The following PRKN variants were observed in gnomAD, a reference collection of about 807,000 sequenced individuals.
The protein encoded by PRKN is E3 ubiquitin-protein ligase parkin.
Under a neutral mutation model 59.5 loss-of-function variants are expected in PRKN, and 56 were observed. That is an observed-to-expected ratio of 0.94 (90% CI 0.76 to 1.18). The LOEUF (loss-of-function observed/expected upper bound fraction) is 1.18. Among genes scored for constraint, PRKN ranks in the 50% most tolerant of loss-of-function variants. The probability of loss-of-function intolerance (pLI) is 0.00; values close to 1 mark genes in which losing one functional copy is unlikely to be tolerated. For synonymous variants in PRKN, 250 were observed against 222.1 expected, an observed-to-expected ratio of 1.13 and a Z score of -1.12; for missense variants, 657 against 596.4, an observed-to-expected ratio of 1.10 and a Z score of -1.06.
chr6:161,491,692 G>A (rs534990760), intron 9 of PRKN, among the ~76,000 whole-genome samples: 45 of 151,802 alleles, frequency 3.0e-4, no homozygotes, highest in African/African-American at 5.3e-4. Flanking sequence ...GTGCAATGGC[G>A]CGATCTTGGC....
In PRKN at chr6:161,892,234, A is replaced by T. The variant is rs112463454; in HGVS notation, c.734+81068T>A. Among the ~76,000 whole-genome samples the T allele has an allele frequency of 3.6e-3, 542 of 151,558 alleles. 4 individuals are homozygous for T. The highest frequency in any genetic ancestry group is 0.013 in the African/African-American group (520 of 41,320). On this transcript the variant is annotated intron_variant, in intron 6 of 11. Coordinates refer to ENST00000366898, the MANE Select transcript of PRKN (RefSeq NM_004562.3). ...GGATCTCTTGAACCCCAGAAGTTAG[A>T]GGTCAGTCTAGGCAATGTGGTAAAA...
At chr6:161,623,197 A>T (rs1444951906) in intron 7 of PRKN, among the ~76,000 whole-genome samples, 1 of 152,168 alleles carries the variant, frequency 6.6e-6, no homozygotes, top group Non-Finnish European at 1.5e-5. Context: ...ACCCTTAACC[A>T]CAGAAGTCTG....
chr6:162,061,106 GT>G (rs1468037445), intron 4 of PRKN, among the ~76,000 whole-genome samples: 3 of 152,166 alleles, frequency 2.0e-5, no homozygotes, highest in African/African-American at 7.2e-5. Flanking sequence ...TCACAAACCT[GT>G]TGTATTTCAT....
At chr6:161,890,303 C>G (rs1795294875) in intron 6 of PRKN, among the ~76,000 whole-genome samples, 1 of 152,146 alleles carries the variant, frequency 6.6e-6, no homozygotes, top group Non-Finnish European at 1.5e-5. Context: ...GGCAAACTTC[C>G]CTTTTTTCCT....
rs140696778 is a variant in PRKN, at chr6:162,117,417, G to A, written c.535-63243C>T. Among the ~76,000 whole-genome samples, 1,292 of 152,332 alleles carry A rather than the reference G, an allele frequency of 8.5e-3. 17 individuals carry two copies. The highest frequency in any genetic ancestry group is 0.03 in the African/African-American group (1,242 of 41,582). ...GATCCCACGCTGTGGCCCTTTCCCT[G>A]CATCCTGGCCATGTGAACTATAGTA... On this transcript the variant is annotated intron_variant, in intron 4 of 11. Transcript: ENST00000366898.
At chr6:161,793,764 C>T (rs913342201) in intron 6 of PRKN, among the ~76,000 whole-genome samples, 2 of 152,112 alleles carry the variant, frequency 1.3e-5, no homozygotes, top group Non-Finnish European at 2.9e-5. Flanking sequence ...AGAGGCTGAA[C>T]AAACTAAATG....
rs79440770 is a variant in PRKN at position 162,369,124 on chromosome 6, A to G, written c.171+74186T>C. ...CATATAGTAAGTCAAATAAACCCAT[A>G]ATGAAGTTCCCTTATACTTCAGGTT... On this transcript the variant is annotated intron_variant, in intron 2 of 11. Coordinates refer to ENST00000366898, the MANE Select transcript of PRKN (RefSeq NM_004562.3). 1.9e-3 allele frequency among the ~76,000 whole-genome samples: 293 copies of G among 152,316 alleles called. 2 individuals are homozygous for G. The highest frequency in any genetic ancestry group is 6.7e-3 in the African/African-American group (278 of 41,578).
chr6:162,181,554 G>T (rs80139029), intron 4 of PRKN, among the ~76,000 whole-genome samples: 4,688 of 152,154 alleles, frequency 0.031, 224 homozygotes, highest in African/African-American at 0.11. Flanking sequence ...CATAAAGAGG[G>T]TCAGGCTTGG....
chr6:162,092,016 A>T (rs1779518647), intron 4 of PRKN, among the ~76,000 whole-genome samples: 1 of 152,104 alleles, frequency 6.6e-6, no homozygotes, highest in South Asian at 2.1e-4. Context: ...AGCCTGGGCA[A>T]CAGAAAGAGA....
At chr6:162,024,948 A>G (rs1269600204) in intron 5 of PRKN, among the ~76,000 whole-genome samples, 2 of 150,872 alleles carry the variant, frequency 1.3e-5, no homozygotes, top group South Asian at 4.2e-4. Context: ...TGAAACATTT[A>G]TTACATATTT....
At chr6:161,974,278 C>T (rs1329779816) in intron 5 of PRKN, among the ~76,000 whole-genome samples, 1 of 152,152 alleles carries the variant, frequency 6.6e-6, no homozygotes, top group Non-Finnish European at 1.5e-5. Flanking sequence ...GCATGGCTCT[C>T]CCAGCCCCAT....
In PRKN at chr6:161,352,755, G is replaced by GTGTGTGTGTATA. The variant is rs766949960; in HGVS notation, c.1286-2545_1286-2544insTATACACACACA. ...TGTGTGTGTGTGTGTGTGTGTGTGTGTATATATATATATATATTTTATTTT... is the reference window on the plus strand; with the variant it reads ...TGTGTGTGTGTGTGTGTGTGTGTGTGTGTGTGTGTATATATATATATATATATATTTTATTTT... On this transcript the variant is annotated intron_variant, in intron 11 of 11. Transcript: ENST00000366898. This position sits in a 1 kb window ranked among gnomAD's most constrained non-coding sequence, Gnocchi z 5.8. Among the ~76,000 whole-genome samples, 373 of 134,356 alleles carry GTGTGTGTGTATA rather than the reference G, an allele frequency of 2.8e-3. 2 individuals are homozygous for GTGTGTGTGTATA. Among genetic ancestry groups the GTGTGTGTGTATA allele is most frequent in the African/African-American group, 9.8e-3 (349 of 35,766 alleles). 88.1% of individuals were successfully genotyped at this position (134,356 alleles called of 152,430 possible). A position where few individuals can be genotyped will look rare whatever the true frequency, so the allele number is the denominator to read the frequency against.
intron 9 of PRKN, among the ~76,000 whole-genome samples, chr6:161,450,667 CT>C (rs1299101619): frequency 1.3e-5 from 2 of 152,120 alleles, no homozygotes; most frequent in African/African-American, 4.8e-5. Context: ...AGTGATTCTC[CT>C]GCCTCAGCCT....
chr6:161,693,368 A>G (rs906450178), intron 7 of PRKN, among the ~76,000 whole-genome samples: 3 of 152,124 alleles, frequency 2.0e-5, no homozygotes, highest in Non-Finnish European at 2.9e-5. Flanking sequence ...CTTCATGGGG[A>G]AAATGTATGT....
Position 162,387,421 on chromosome 6 carries a change from T to C in PRKN, c.171+55889A>G, listed in dbSNP as rs142234208. 1.2e-3 allele frequency among the ~76,000 whole-genome samples: 180 copies of C among 152,166 alleles called. 1 individual carries two copies. Among genetic ancestry groups the C allele is most frequent in the Middle Eastern group, 6.8e-3 (2 of 294 alleles). The stretch of plus-strand genomic sequence containing the variant: ...GAAGGCTGTTACGAATAATTTTTGT[T>C]GTTCATACAGAGAAATTGAGAAACA... On this transcript the variant is annotated intron_variant, in intron 2 of 11. Coordinates refer to ENST00000366898, the MANE Select transcript of PRKN (RefSeq NM_004562.3).
chr6:161,654,402 G>A (rs975767723), intron 7 of PRKN, among the ~76,000 whole-genome samples: 9 of 152,136 alleles, frequency 5.9e-5, no homozygotes, highest in South Asian at 2.1e-4. Context: ...GGCCACTTCC[G>A]GGAGGACGCA....
At position 162,693,584 on chromosome 6, in the gene PRKN, G is replaced by C. The variant is rs78577605; in HGVS notation, c.7+34078C>G. On this transcript the variant is annotated intron_variant, in intron 1 of 11. Coordinates refer to ENST00000366898, the MANE Select transcript of PRKN (RefSeq NM_004562.3). ...ATTAAAGGAACTCAAACTGGAAAAG[G>C]AGAATTATCCAGCCATTAAATTTCA... Among the ~76,000 whole-genome samples, 804 of 152,230 alleles carry C rather than the reference G, an allele frequency of 5.3e-3. 21 individuals carry two copies. The East Asian group carries it at 0.063, about 12-fold the overall frequency.
At chr6:162,198,943 C>A (rs1419169309) in intron 4 of PRKN, among the ~76,000 whole-genome samples, 1 of 152,114 alleles carries the variant, frequency 6.6e-6, no homozygotes, top group Non-Finnish European at 1.5e-5. Context: ...TTTTTTCCCA[C>A]ACAAAGCATA....
rs190000098 is a variant in PRKN at position 161,721,774 on chromosome 6, C to T, written c.871+63998G>A. 5.9e-5 allele frequency among the ~76,000 whole-genome samples: 9 copies of T among 152,212 alleles called. No individual in the cohort carries two copies. In the East Asian group the frequency reaches 9.7e-4, roughly 16 times the overall value. ...CCTGGGTCATGGTGTCACCCCTACTCGGTGAACAGAAAAAAGTTCAAACAC... is the reference window on the plus strand; with the variant it reads ...CCTGGGTCATGGTGTCACCCCTACTTGGTGAACAGAAAAAAGTTCAAACAC... On this transcript the variant is annotated intron_variant, in intron 7 of 11. Transcript: ENST00000366898.
Sources: gnomAD v4.1 joint callset for allele counts (sites outside exome capture counted in the v4.1 genomes callset) on GRCh38, gnomAD v4.1.1 for gene constraint, Gnocchi (gnomAD v3.1) non-coding constraint, MANE v1.5 for transcripts, NCBI Gene and HGNC (gene_info 2026-07-23, HGNC 2026-07-21) for gene names.